The following ZNF81 variants were observed in gnomAD, a reference collection of about 807,000 sequenced individuals.
The protein encoded by ZNF81 is zinc finger protein 81, also known as zinc finger protein 81 (HFZ20).
A neutral mutation model predicts 32.3 loss-of-function variants in ZNF81; 5 were observed. That is an observed-to-expected ratio of 0.15 (90% CI 0.08 to 0.33). The LOEUF (loss-of-function observed/expected upper bound fraction) is 0.33. Ranked by LOEUF, ZNF81 falls within the 10% of genes least tolerant of loss-of-function variation. ZNF81 has a pLI of 1.00. For synonymous variants in ZNF81, 163 were observed against 166.8 expected (o/e 0.98, Z 0.17); for missense variants, 379 against 479.8 (o/e 0.79, Z 1.96).
In ZNF81 at chrX:47,843,146, G is replaced by A. The variant is rs782602867; in HGVS notation, c.-163-2959G>A. Among the ~76,000 whole-genome samples, 4 of 111,526 alleles carry A rather than the reference G, an allele frequency of 3.6e-5. No individual in the cohort carries two copies. The Admixed American group carries it at 3.8e-4, about 11-fold the overall frequency. ...TATGGTTTTAAGGCTCTTCCATGAT[G>A]TAATAGGTATCTGTACTTCTTTTTT... On this transcript the variant is annotated intron_variant, in intron 1 of 4. Transcript: ENST00000338637.
At chrX:47,839,164 A>C (rs1330132374) in intron 1 of ZNF81, among the ~76,000 whole-genome samples, 1 of 111,739 alleles carries the variant, frequency 8.9e-6, no homozygotes, top group Non-Finnish European at 1.9e-5. Flanking sequence ...GTTTTCTGGA[A>C]GAGACTGTGT....
At chrX:47,888,349 CAT>C (rs2058650503) in intron 3 of ZNF81, 2 of 451,046 alleles carry the variant, frequency 4.4e-6, no homozygotes, top group East Asian at 7.4e-5. Flanking sequence ...GACACAGACA[CAT>C]ATACACATAC....
chrX:47,913,438 A>G lies in ZNF81; in HGVS notation c.278-1486A>G, dbSNP rs782599231. Among the ~76,000 whole-genome samples, 5 of 111,502 alleles carry G rather than the reference A, an allele frequency of 4.5e-5. No homozygotes were observed. The South Asian group carries it at 1.9e-3, about 43-fold the overall frequency. On this transcript the variant is annotated intron_variant, in intron 4 of 4. Coordinates refer to ENST00000338637, the MANE Select transcript of ZNF81 (RefSeq NM_007137.5). The stretch of plus-strand genomic sequence containing the variant: ...GGCAGGAGGATCATTTGAGCCCAAG[A>G]GTACAAGGCTGCCATGAGCTATGAT...
intron 2 of ZNF81, among the ~76,000 whole-genome samples, chrX:47,865,515 T>C (rs2058556688): frequency 2.7e-5 from 3 of 111,947 alleles, no homozygotes; most frequent in Non-Finnish European, 5.6e-5. Context: ...TTACAAACAC[T>C]AGTAGCTCAA....
chrX:47,909,708 T>C (rs1237210961), intron 4 of ZNF81, among the ~76,000 whole-genome samples: 1 of 107,332 alleles, frequency 9.3e-6, no homozygotes, highest in Non-Finnish European at 1.9e-5. Flanking sequence ...GCTGCACCCA[T>C]TAACTTGTCA....
chrX:47,845,950 T>A (rs1373256767), intron 1 of ZNF81, among the ~76,000 whole-genome samples, 155 bp from the exon 2 acceptor site: 1 of 112,549 alleles, frequency 8.9e-6, no homozygotes, highest in African/African-American at 3.2e-5. Context: ...ATGCTCTTGC[T>A]CATATTCTAT....
chrX:47,893,507 T>G (rs2058669332), intron 3 of ZNF81, among the ~76,000 whole-genome samples: 1 of 110,961 alleles, frequency 9.0e-6, no homozygotes, highest in African/African-American at 3.3e-5. Flanking sequence ...AGTTCCCATG[T>G]TTTTTAACTA....
chrX:47,882,452 A>G (rs1556885278), intron 2 of ZNF81, among the ~76,000 whole-genome samples: 1 of 112,030 alleles, frequency 8.9e-6, no homozygotes. Context: ...TGTTGTGTCT[A>G]TCCGTGGATT....
chrX:47,881,011 C>T, intron 2 of ZNF81, among the ~76,000 whole-genome samples: 1 of 111,491 alleles, frequency 9.0e-6, no homozygotes, highest in Non-Finnish European at 1.9e-5. Context: ...CTTAGAAAGC[C>T]ACAAGTTCCA....
At chrX:47,897,911 A>G (rs977905276) in intron 4 of ZNF81, among the ~76,000 whole-genome samples, 24 of 111,941 alleles carry the variant, frequency 2.1e-4, no homozygotes, top group African/African-American at 6.8e-4. Context: ...GATGAAGCCA[A>G]CAGATCAGGA....
At chrX:47,902,958 C>T (rs1204797020) in intron 4 of ZNF81, among the ~76,000 whole-genome samples, 1 of 112,082 alleles carries the variant, frequency 8.9e-6, no homozygotes, top group Non-Finnish European at 1.9e-5. Flanking sequence ...AAGACAAAAA[C>T]CACATGATTA....
intron 2 of ZNF81, among the ~76,000 whole-genome samples, chrX:47,861,388 CTCA>C (rs1165527525): frequency 8.9e-6 from 1 of 112,012 alleles, no homozygotes; most frequent in Admixed American, 9.5e-5. Context: ...AGTACCTGTC[CTCA>C]CAAGATCTGC....
chrX:47,846,328 A>G lies in ZNF81; in HGVS notation c.54+7A>G, dbSNP rs1556880506. On this transcript the variant is annotated splice_region_variant and intron_variant, in intron 2 of 4. Coordinates refer to ENST00000338637, the MANE Select transcript of ZNF81 (RefSeq NM_007137.5). ...ACATGGCAGTGCCTGTGAGGTGAGG[A>G]GGAGGAAGAGGTGCCCAGGGATTGG... 8.3e-7 allele frequency: 1 copy of G among 1,206,841 alleles called. No individual in the cohort carries two copies. The highest frequency in any genetic ancestry group is 2.2e-5 in the Admixed American group (1 of 45,663).
chrX:47,872,088 C>T (rs1486597402), intron 2 of ZNF81, among the ~76,000 whole-genome samples: 7 of 112,096 alleles, frequency 6.2e-5, no homozygotes, highest in Non-Finnish European at 1.1e-4. Context: ...TTGCTCCATC[C>T]GAGGTTTTCT....
intron 1 of ZNF81, among the ~76,000 whole-genome samples, chrX:47,839,847 C>T (rs950361754): frequency 1.8e-5 from 2 of 111,472 alleles, no homozygotes; most frequent in African/African-American, 3.3e-5. Flanking sequence ...ACCCGCTGTC[C>T]GTGGGCCACA....
At chrX:47,858,484 C>T (rs184471768) in intron 2 of ZNF81, among the ~76,000 whole-genome samples, 1 of 111,945 alleles carries the variant, frequency 8.9e-6, no homozygotes, top group Non-Finnish European at 1.9e-5. Flanking sequence ...TCCTTATACA[C>T]TGATGATGTT....
At position 47,917,384 on chromosome X, in the gene ZNF81, C is replaced by T. The variant is rs1879091139; in HGVS notation, c.*752C>T. On this transcript the variant is annotated 3_prime_UTR_variant, in exon 5 of 5. Transcript: ENST00000338637. ...TACAATGCAAAGTAGCCACAGATTCCTCCCATCCCAAGTAGCGTCTCTTTG... is the reference window on the plus strand; with the variant it reads ...TACAATGCAAAGTAGCCACAGATTCTTCCCATCCCAAGTAGCGTCTCTTTG... 1.7e-5 allele frequency: 5 copies of T among 295,852 alleles called. No individual in the cohort carries two copies. Among genetic ancestry groups the T allele is most frequent in the Non-Finnish European group, 2.4e-5 (4 of 169,181 alleles). 24.4% of individuals were successfully genotyped at this position (295,852 alleles called of 1,213,427 possible).
intron 4 of ZNF81, among the ~76,000 whole-genome samples, chrX:47,908,276 G>C (rs1556889402): frequency 9.0e-6 from 1 of 110,976 alleles, no homozygotes; most frequent in Non-Finnish European, 1.9e-5. Flanking sequence ...ATATGAGAAG[G>C]TGCTAAAGAT....
rs782460559 is a variant in ZNF81, at chrX:47,899,842, A to G, written c.277+3902A>G. ...TTGTACTTTTCAAGGAATTTTGTCTATTTCCTCTATGTTGTCCAATTTAAT... is the reference window on the plus strand; with the variant it reads ...TTGTACTTTTCAAGGAATTTTGTCTGTTTCCTCTATGTTGTCCAATTTAAT... On this transcript the variant is annotated intron_variant, in intron 4 of 4. Coordinates refer to ENST00000338637, the MANE Select transcript of ZNF81 (RefSeq NM_007137.5). Among the ~76,000 whole-genome samples the G allele has an allele frequency of 3.6e-5, 4 of 111,408 alleles. No individual in the cohort carries two copies. The East Asian group carries it at 8.5e-4, about 24-fold the overall frequency.
Sources: gnomAD v4.1 joint callset for allele counts (sites outside exome capture counted in the v4.1 genomes callset) on GRCh38, gnomAD v4.1.1 for gene constraint, MANE v1.5 for transcripts, NCBI Gene and HGNC (gene_info 2026-07-23, HGNC 2026-07-21) for gene names.